FEZ2: variants seen among roughly 807,000 people sequenced by gnomAD.
FEZ2 encodes the protein fasciculation and elongation protein zeta 2, also known as fasciculation and elongation protein zeta-2.
Under a neutral mutation model 40.4 loss-of-function variants are expected in FEZ2, and 51 were observed. The ratio of observed to expected loss-of-function variants is 1.26; its 90% CI spans 1.01 to 1.59. The LOEUF (loss-of-function observed/expected upper bound fraction) is 1.59, where lower values mean the gene tolerates loss of function less well. Ranked by LOEUF, FEZ2 falls within the 40% of genes most tolerant of loss-of-function variation. The pLI is 0.00. For synonymous variants in FEZ2, 242 were observed against 172.0 expected, an observed-to-expected ratio of 1.41 and a Z score of -3.18; for missense variants, 640 against 438.3, an observed-to-expected ratio of 1.46 and a Z score of -4.11.
intron 4 of FEZ2, 149 bp from the exon 5 acceptor site, chr2:36,579,014 G>C (rs1301448042): frequency 4.6e-6 from 3 of 655,780 alleles, no homozygotes; most frequent in Non-Finnish European, 7.8e-6. Flanking sequence ...AATTGACTGT[G>C]GGTGATCTTC....
intron 5 of FEZ2, among the ~76,000 whole-genome samples, chr2:36,562,883 A>C (rs1019457474): frequency 6.6e-6 from 1 of 152,212 alleles, no homozygotes; most frequent in Non-Finnish European, 1.5e-5. Context: ...TTAAGTACTT[A>C]GTCTATATTA....
chr2:36,590,840 A>G (rs912430331), intron 2 of FEZ2, 63 bp downstream of exon 2: 9 of 942,810 alleles, frequency 9.5e-6, no homozygotes, highest in Non-Finnish European at 1.6e-5. Flanking sequence ...CAGAAATGCT[A>G]CTGTTTTAGT....
At chr2:36,567,761 CAA>C (rs201650768) in intron 5 of FEZ2, among the ~76,000 whole-genome samples, 21 of 115,696 alleles carry the variant, frequency 1.8e-4, no homozygotes, top group Admixed American at 4.1e-4. Context: ...GACTCTGTCT[CAA>C]AAAAAAAAAA....
chr2:36,595,187 G>A (rs986907791), intron 1 of FEZ2, among the ~76,000 whole-genome samples: 1 of 152,100 alleles, frequency 6.6e-6, no homozygotes, highest in African/African-American at 2.4e-5. Context: ...AGTGCCAAGG[G>A]TCGGGGAGGG....
At chr2:36,590,809 G>T in intron 2 of FEZ2, 94 bp downstream of exon 2, 1 of 760,154 alleles carries the variant, frequency 1.3e-6, no homozygotes, top group Non-Finnish European at 2.3e-6. Flanking sequence ...ATGAGAGGCA[G>T]GTCAGTGAAT....
chr2:36,562,549 G>A (rs543274569), intron 5 of FEZ2, among the ~76,000 whole-genome samples: 1 of 152,236 alleles, frequency 6.6e-6, no homozygotes, highest in East Asian at 1.9e-4. Context: ...AGCCAGTTTT[G>A]CTTCAGCAAG....
chr2:36,592,171 G>A (rs1669090324), intron 1 of FEZ2, among the ~76,000 whole-genome samples: 1 of 152,156 alleles, frequency 6.6e-6, no homozygotes, highest in Non-Finnish European at 1.5e-5. Flanking sequence ...ACCCTAAAAT[G>A]TTTATTAGGT....
At chr2:36,586,034 T>G (rs1668889497) in intron 2 of FEZ2, among the ~76,000 whole-genome samples, 1 of 152,196 alleles carries the variant, frequency 6.6e-6, no homozygotes, top group Non-Finnish European at 1.5e-5. Context: ...CTAATTTACT[T>G]TTTAAACTAT....
chr2:36,582,093 C>T (rs900462206), intron 3 of FEZ2, among the ~76,000 whole-genome samples: 13 of 152,216 alleles, frequency 8.5e-5, no homozygotes, highest in Non-Finnish European at 1.8e-4. Context: ...CTGTCTAGTG[C>T]AGTGCTGCTC....
chr2:36,564,211 G>A (rs1402297210), intron 5 of FEZ2, among the ~76,000 whole-genome samples: 1 of 152,058 alleles, frequency 6.6e-6, no homozygotes, highest in Non-Finnish European at 1.5e-5. Context: ...TGGCCAATTG[G>A]ACATCTGTAC....
intron 3 of FEZ2, among the ~76,000 whole-genome samples, chr2:36,582,330 GA>G (rs1668774368): frequency 6.6e-6 from 1 of 151,956 alleles, no homozygotes; most frequent in African/African-American, 2.4e-5. Flanking sequence ...TTCCACCAAG[GA>G]AAAACAAAGG....
At chr2:36,561,537 C>T (rs1668092703) in intron 5 of FEZ2, 1 of 152,202 alleles carries the variant, frequency 6.6e-6, no homozygotes, top group Admixed American at 6.5e-5. Flanking sequence ...CTCCCAGCAA[C>T]CTCCAAGACT....
At chr2:36,586,537 G>T (rs1019281322) in intron 2 of FEZ2, among the ~76,000 whole-genome samples, 2 of 151,866 alleles carry the variant, frequency 1.3e-5, no homozygotes, top group Non-Finnish European at 2.9e-5. Flanking sequence ...TGAGGTGGGA[G>T]GATCACTTGA....
At chr2:36,567,289 G>A (rs1026135726) in intron 5 of FEZ2, among the ~76,000 whole-genome samples, 3 of 151,880 alleles carry the variant, frequency 2.0e-5, no homozygotes, top group Admixed American at 1.3e-4. Context: ...CCCAAAATAA[G>A]TGGAGTATGA....
chr2:36,557,430 T>A (rs764042114), intron 6 of FEZ2: 10 of 152,192 alleles, frequency 6.6e-5, no homozygotes, highest in Non-Finnish European at 1.3e-4. Context: ...GGCAGGGAGC[T>A]AAGAAATAAG....
At chr2:36,554,980 C>T (rs1667917434) in intron 7 of FEZ2, among the ~76,000 whole-genome samples, 1 of 152,140 alleles carries the variant, frequency 6.6e-6, no homozygotes, top group African/African-American at 2.4e-5. Context: ...ATACCTGCTA[C>T]TTTAAAAAAA....
At chr2:36,582,061 T>C (rs945135360) in intron 3 of FEZ2, among the ~76,000 whole-genome samples, 2 of 152,084 alleles carry the variant, frequency 1.3e-5, no homozygotes, top group African/African-American at 4.8e-5. Context: ...CAGAAATACA[T>C]TTGACTTTAA....
chr2:36,578,780 C>T lies in FEZ2; in HGVS notation c.720G>A (p.Val240=), dbSNP rs192766751. The change falls in exon 5 of 8, where the codon GTG becomes GTA. Residue 240 remains valine, a synonymous_variant. Transcript: ENST00000405912. ...GTTCATCTCGTAAAGCCAACTGCTG[C>T]ACCAGCTCCTCAGAGTACTCCTTAA... is the stretch of plus-strand genomic sequence containing the variant. ...TAIKEYSEEL[V]QQLALRDELE... 474 of 1,613,944 alleles carry T rather than the reference C, an allele frequency of 2.9e-4. 2 individuals carry two copies. In the African/African-American group the frequency reaches 6.0e-3, roughly 20 times the overall value.
chr2:36,583,782 T>C (rs1320934226), intron 2 of FEZ2, among the ~76,000 whole-genome samples: 1 of 152,134 alleles, frequency 6.6e-6, no homozygotes, highest in Non-Finnish European at 1.5e-5. Flanking sequence ...AGGGAGAATA[T>C]GGGCAGGGTT....
Sources: gnomAD v4.1 joint callset for allele counts (sites outside exome capture counted in the v4.1 genomes callset) on GRCh38, gnomAD v4.1.1 for gene constraint, MANE v1.5 for transcripts, NCBI Gene and HGNC (gene_info 2026-07-23, HGNC 2026-07-21) for gene names.